The following PCNX2 variants were observed in gnomAD, a reference collection of about 807,000 sequenced individuals.
PCNX2 encodes the protein pecanex-like protein 2.
PCNX2 carries 168 observed loss-of-function variants against 223.8 expected under a neutral mutation model. That is an observed-to-expected ratio of 0.75 (90% confidence interval 0.66 to 0.85). The LOEUF is 0.85. PCNX2 is among the 40% of genes least tolerant of loss of function. The pLI, the probability that PCNX2 is intolerant of heterozygous loss-of-function variation, is 0.00. For missense variants in PCNX2, 2,507 were observed against 2,675.5 expected (o/e 0.94, Z 1.39); for synonymous variants, 1,006 against 1,052.6 (o/e 0.96, Z 0.86).
At chr1:233,234,840 G>A (rs1484266526) in intron 9 of PCNX2, among the ~76,000 whole-genome samples, 21 of 152,166 alleles carry the variant, frequency 1.4e-4, no homozygotes, top group Non-Finnish European at 8.8e-5. Context: ...AGGAAAGCCC[G>A]TATTCCACAG....
At chr1:233,288,807 T>C (rs1291452478) in intron 1 of PCNX2, 12 of 93,482 alleles carry the variant, frequency 1.3e-4, no homozygotes, top group Non-Finnish European at 2.2e-4. Context: ...AGATGCCCTT[T>C]TTTTTTTTTT....
chr1:233,258,583 A>G lies in PCNX2; in HGVS notation c.1279T>C (p.Ser427Pro), dbSNP rs761139575. The change falls in exon 5 of 34, where the codon TCA becomes CCA. Residue 427 changes from serine to proline, a missense_variant. Transcript: ENST00000258229. Reference sequence around the variant, plus strand: ...AGGTCCAGGGTGATTACAGGAATTGAGATCTGCTCGGCATTTGGAGAACCG... The same window carrying G: ...AGGTCCAGGGTGATTACAGGAATTGGGATCTGCTCGGCATTTGGAGAACCG... ...AAGSPNAEQI[S>P]IPVITLDLPE... 19 of 1,613,772 alleles carry G rather than the reference A, an allele frequency of 1.2e-5. No individual in the cohort carries two copies. In the African/African-American group the frequency reaches 2.4e-4, roughly 20 times the overall value.
chr1:233,148,778 G>A (rs74145059), intron 19 of PCNX2, among the ~76,000 whole-genome samples: 15,583 of 152,232 alleles, frequency 0.1, 2,407 homozygotes, highest in African/African-American at 0.34. Context: ...ACACGCTTCA[G>A]TCTCTAGATG....
chr1:233,280,992 T>C (rs1661167626), intron 1 of PCNX2, among the ~76,000 whole-genome samples: 1 of 146,012 alleles, frequency 6.8e-6, no homozygotes, highest in Admixed American at 6.9e-5. Context: ...TCATCATCTA[T>C]TCATCATTCA....
At chr1:233,293,051 C>G (rs1661863355) in intron 1 of PCNX2, among the ~76,000 whole-genome samples, 1 of 152,026 alleles carries the variant, frequency 6.6e-6, no homozygotes, top group Non-Finnish European at 1.5e-5. Flanking sequence ...TAATGAAGGA[C>G]AATTTCCTAC....
At chr1:233,219,309 TAGAG>T (rs1657224065) in intron 10 of PCNX2, among the ~76,000 whole-genome samples, 1 of 148,216 alleles carries the variant, frequency 6.7e-6, no homozygotes, top group South Asian at 2.1e-4. Context: ...CTGAGGAAGT[TAGAG>T]AGAGATACAA....
chr1:233,279,822 G>A (rs1293709194), intron 1 of PCNX2, among the ~76,000 whole-genome samples: 1 of 152,030 alleles, frequency 6.6e-6, no homozygotes, highest in African/African-American at 2.4e-5. Flanking sequence ...TGTATCAGGA[G>A]GCCTAGAAAG....
chr1:233,026,950 C>T (rs1001800893), intron 25 of PCNX2, among the ~76,000 whole-genome samples: 1 of 152,080 alleles, frequency 6.6e-6, no homozygotes, highest in Non-Finnish European at 1.5e-5. Context: ...GTTATTAGCA[C>T]GTAGGGGCTA....
intron 17 of PCNX2, among the ~76,000 whole-genome samples, chr1:233,168,849 A>G (rs1470180549): frequency 3.3e-5 from 5 of 152,132 alleles, no homozygotes; most frequent in Non-Finnish European, 7.4e-5. Flanking sequence ...TCTTGACACA[A>G]TTGGCACCAT....
chr1:233,251,681 G>T (rs1389089486), intron 7 of PCNX2, among the ~76,000 whole-genome samples: 1 of 152,206 alleles, frequency 6.6e-6, no homozygotes, highest in Non-Finnish European at 1.5e-5. Context: ...ATAAACTACT[G>T]AACTCCAGAT....
intron 20 of PCNX2, 60 bp from the exon 21 acceptor site, chr1:233,135,250 T>G (rs1167180310): frequency 2.0e-6 from 3 of 1,474,498 alleles, no homozygotes; most frequent in Non-Finnish European, 1.8e-6. Context: ...TGGATGAGTT[T>G]CATTCGCTAA....
intron 1 of PCNX2, chr1:233,294,007 G>C (rs1003010965): frequency 3.5e-5 from 34 of 984,906 alleles, no homozygotes; most frequent in Non-Finnish European, 4.0e-5. Context: ...TTATTGCAGG[G>C]TTTCCAAGCA....
intron 1 of PCNX2, among the ~76,000 whole-genome samples, chr1:233,270,490 G>A (rs141113374): frequency 0.014 from 2,089 of 152,194 alleles, 23 homozygotes; most frequent in Non-Finnish European, 0.021. Context: ...GACAGGTTAC[G>A]GACAGGGGGT....
chr1:233,090,722 G>T (rs1673828910), intron 22 of PCNX2, among the ~76,000 whole-genome samples: 2 of 152,064 alleles, frequency 1.3e-5, no homozygotes, highest in Non-Finnish European at 2.9e-5. Flanking sequence ...AACACCACTG[G>T]TTCAATTCAA....
the PCNX2 span, among the ~76,000 whole-genome samples, chr1:233,321,084 T>C: frequency 7.2e-6 from 1 of 139,550 alleles, no homozygotes; most frequent in Non-Finnish European, 1.5e-5. Flanking sequence ...AGTGGTGCGA[T>C]CTCTGCTCAC....
intron 17 of PCNX2, among the ~76,000 whole-genome samples, chr1:233,171,044 T>G (rs900732908): frequency 9.9e-5 from 15 of 152,248 alleles, no homozygotes; most frequent in Admixed American, 7.2e-4. Flanking sequence ...ATTAGGGACA[T>G]TCAATCTGTA....
Position 233,049,136 on chromosome 1 carries a change from A to G in PCNX2, c.4351+5132T>C, listed in dbSNP as rs576302290. ...GAGGGACTCCTCCCTAATGCATTCT[A>G]TGAAGCTAGCATCACCCTGATACCA... is the stretch of plus-strand genomic sequence containing the variant. On this transcript the variant is annotated intron_variant, in intron 25 of 33. Coordinates refer to ENST00000258229, the MANE Select transcript of PCNX2 (RefSeq NM_014801.4). Among the ~76,000 whole-genome samples the G allele has an allele frequency of 9.8e-5, 15 of 152,332 alleles. No individual in the cohort carries two copies. The East Asian group carries it at 2.1e-3, about 22-fold the overall frequency.
At chr1:233,135,234 C>T (rs1200921966) in intron 20 of PCNX2, 44 bp from the exon 21 acceptor site, 1 of 1,557,688 alleles carries the variant, frequency 6.4e-7, no homozygotes, top group East Asian at 2.3e-5. Context: ...ACAGTGTGCA[C>T]ACTGCTGGAT....
At chr1:233,280,158 C>A (rs1661117303) in intron 1 of PCNX2, among the ~76,000 whole-genome samples, 1 of 152,166 alleles carries the variant, frequency 6.6e-6, no homozygotes, top group Non-Finnish European at 1.5e-5. Context: ...GTACCTTAAT[C>A]CATTAAGCCA....
Sources: gnomAD v4.1 joint callset for allele counts (sites outside exome capture counted in the v4.1 genomes callset) on GRCh38, gnomAD v4.1.1 for gene constraint, MANE v1.5 for transcripts, NCBI Gene and HGNC (gene_info 2026-07-23, HGNC 2026-07-21) for gene names.